MCTP1: variants seen among roughly 807,000 people sequenced by gnomAD.
MCTP1 encodes multiple C2 and transmembrane domain containing 1.
In MCTP1, 69 loss-of-function variants were observed where a neutral mutation model predicts 120.6. That is an observed-to-expected ratio of 0.57 (90% CI 0.47 to 0.70). The LOEUF (loss-of-function observed/expected upper bound fraction) is 0.70, where lower values mean the gene tolerates loss of function less well. Ranked by LOEUF, MCTP1 falls within the 30% of genes least tolerant of loss-of-function variation. MCTP1 has a pLI of 0.00. For missense variants in MCTP1, 1,203 were observed against 1,248.8 expected (o/e 0.96, Z 0.55); for synonymous variants, 529 against 493.1 (o/e 1.07, Z -0.96).
intron 6 of MCTP1, among the ~76,000 whole-genome samples, chr5:94,925,288 A>G (rs1034461167): frequency 6.6e-6 from 1 of 152,234 alleles, no homozygotes; most frequent in Non-Finnish European, 1.5e-5. Flanking sequence ...GAGAACAAGA[A>G]AAACAGCATA....
At chr5:95,045,926 C>A (rs72777400) in intron 1 of MCTP1, among the ~76,000 whole-genome samples, 1,803 of 152,180 alleles carry the variant, frequency 0.012, 21 homozygotes, top group East Asian at 0.047. Flanking sequence ...GTGGCTGAAC[C>A]TCTTCATACC....
chr5:95,202,765 T>C (rs1158858437), intron 1 of MCTP1, among the ~76,000 whole-genome samples: 1 of 152,188 alleles, frequency 6.6e-6, no homozygotes. Context: ...TCTTGCTCTG[T>C]TGCCCAGGCT....
Position 94,870,410 on chromosome 5 carries a change from T to A in MCTP1, c.2316+7A>T, listed in dbSNP as rs1327794830. The A allele has an allele frequency of 6.3e-7, 1 of 1,589,928 alleles. No homozygotes were observed. The highest frequency in any genetic ancestry group is 1.3e-5 in the African/African-American group (1 of 74,494). On this transcript the variant is annotated splice_region_variant and intron_variant, in intron 16 of 22. Coordinates refer to ENST00000515393, the MANE Select transcript of MCTP1 (RefSeq NM_024717.7). ...CCCAGAGGGATTAATCTTTTCTTGC[T>A]TTTTACCTGTTTAGAGAGTCTGTTT... is the stretch of plus-strand genomic sequence containing the variant.
chr5:94,710,162 A>G (rs1231324542), intron 21 of MCTP1: 1 of 152,114 alleles, frequency 6.6e-6, no homozygotes, highest in Non-Finnish European at 1.5e-5. Context: ...TTTTGTCAGG[A>G]AAGAAAGAAA....
At chr5:94,790,583 C>G (rs76350173) in intron 18 of MCTP1, among the ~76,000 whole-genome samples, 2 of 152,028 alleles carry the variant, frequency 1.3e-5, no homozygotes, top group African/African-American at 2.4e-5. Context: ...CCAAAGGGGA[C>G]GGGTACTGCT....
At chr5:94,827,109 G>T (rs567451124) in intron 17 of MCTP1, among the ~76,000 whole-genome samples, 2 of 152,164 alleles carry the variant, frequency 1.3e-5, no homozygotes, top group South Asian at 4.2e-4. Flanking sequence ...GCCGGTTCTG[G>T]TTTTTCCTTT....
Position 95,284,948 on chromosome 5 carries a change from C to G in MCTP1, c.-373G>C, listed in dbSNP as rs577773998. ...GCCCTGGCTCCCTCTTCTCTCTGAC[C>G]GAGCTCGGGAAGCTGCACGCACCGG... On this transcript the variant is annotated 5_prime_UTR_variant, in exon 1 of 23. Coordinates refer to ENST00000515393, the MANE Select transcript of MCTP1 (RefSeq NM_024717.7). This position sits in a 1 kb window ranked among gnomAD's most constrained non-coding sequence, Gnocchi z 5.2. Among the ~76,000 whole-genome samples the G allele has an allele frequency of 3.3e-5, 5 of 152,122 alleles. No individual in the cohort carries two copies. The highest frequency in any genetic ancestry group is 7.4e-5 in the Non-Finnish European group (5 of 68,002).
chr5:94,840,518 T>A (rs1393914050), intron 17 of MCTP1, among the ~76,000 whole-genome samples: 1 of 152,196 alleles, frequency 6.6e-6, no homozygotes, highest in Non-Finnish European at 1.5e-5. Flanking sequence ...ACTTTTACTC[T>A]CCTCTGCTGC....
intron 12 of MCTP1, among the ~76,000 whole-genome samples, chr5:94,886,496 T>C (rs998466954): frequency 1.3e-5 from 2 of 152,226 alleles, no homozygotes; most frequent in African/African-American, 4.8e-5. Flanking sequence ...TGTTCAAATA[T>C]AGATTTGTCT....
At chr5:94,839,179 C>T (rs1224890439) in intron 17 of MCTP1, among the ~76,000 whole-genome samples, 1 of 152,152 alleles carries the variant, frequency 6.6e-6, no homozygotes, top group East Asian at 1.9e-4. Context: ...CAGAGAAGTA[C>T]AAAAGGTCGA....
chr5:94,882,527 C>A (rs1386775827), intron 12 of MCTP1, among the ~76,000 whole-genome samples: 1 of 125,962 alleles, frequency 7.9e-6, no homozygotes, highest in Non-Finnish European at 1.8e-5. Context: ...AATTATGTTG[C>A]AATGTAACAA....
intron 19 of MCTP1, among the ~76,000 whole-genome samples, chr5:94,730,877 T>A (rs542885985): frequency 6.6e-6 from 1 of 151,926 alleles, no homozygotes; most frequent in Non-Finnish European, 1.5e-5. Context: ...CTCTGAGTTC[T>A]GGATCATAGT....
chr5:95,125,047 C>A (rs1437749417), intron 1 of MCTP1, among the ~76,000 whole-genome samples: 3 of 152,154 alleles, frequency 2.0e-5, no homozygotes, highest in African/African-American at 7.2e-5. Flanking sequence ...ACTTAAACAG[C>A]AAAACATTTT....
chr5:94,855,059 C>T lies in MCTP1; in HGVS notation c.2436+13274G>A, dbSNP rs973020834. Among the ~76,000 whole-genome samples the T allele has an allele frequency of 3.3e-5, 5 of 151,874 alleles. No individual in the cohort carries two copies. The East Asian group carries it at 9.7e-4, about 30-fold the overall frequency. The stretch of plus-strand genomic sequence containing the variant: ...TTTCCAATGTCATTCTAAACTAAAA[C>T]TCTAAACAGGTGTTTGATACTAAGG... On this transcript the variant is annotated intron_variant, in intron 17 of 22. Transcript: ENST00000515393.
chr5:94,853,477 T>C (rs933742033), intron 17 of MCTP1, among the ~76,000 whole-genome samples: 1 of 151,998 alleles, frequency 6.6e-6, no homozygotes, highest in Non-Finnish European at 1.5e-5. Flanking sequence ...TTAAGCCAAG[T>C]GTGGCTTGTT....
chr5:94,742,859 G>A (rs576225241), intron 19 of MCTP1, among the ~76,000 whole-genome samples: 2 of 151,998 alleles, frequency 1.3e-5, no homozygotes, highest in Non-Finnish European at 2.9e-5. Flanking sequence ...TTCACTCATT[G>A]AAACTGTATT....
At chr5:94,733,025 TTAGAG>T (rs1395751856) in intron 19 of MCTP1, among the ~76,000 whole-genome samples, 2 of 152,206 alleles carry the variant, frequency 1.3e-5, no homozygotes, top group African/African-American at 4.8e-5. Context: ...GCATAATTAT[TTAGAG>T]TAATTTTATC....
At chr5:95,070,394 C>T (rs930640297) in intron 1 of MCTP1, among the ~76,000 whole-genome samples, 16 of 152,224 alleles carry the variant, frequency 1.1e-4, no homozygotes, top group Non-Finnish European at 1.6e-4. Context: ...TTCTTGTCAA[C>T]GGGGTTCCAA....
At chr5:94,980,688 C>T (rs1033817747) in intron 2 of MCTP1, 9 of 151,886 alleles carry the variant, frequency 5.9e-5, no homozygotes, top group Admixed American at 2.0e-4. Flanking sequence ...GTCACTGGCA[C>T]GATTCTATAT....
Sources: allele counts gnomAD v4.1 joint callset (sites outside exome capture counted in the v4.1 genomes callset), GRCh38; gene constraint gnomAD v4.1.1; non-coding constraint Gnocchi (gnomAD v3.1); transcripts MANE v1.5; gene names NCBI Gene and HGNC (gene_info 2026-07-23, HGNC 2026-07-21).